The following FIG4 variants were observed in gnomAD, a reference collection of about 807,000 sequenced individuals.
The protein encoded by FIG4 is polyphosphoinositide phosphatase.
FIG4 carries 112 observed loss-of-function variants against 118.6 expected under a neutral mutation model. The ratio of observed to expected loss-of-function variants is 0.94; its 90% CI spans 0.81 to 1.11. The LOEUF (loss-of-function observed/expected upper bound fraction) is 1.11, where lower values mean the gene tolerates loss of function less well. Ranked by LOEUF, FIG4 falls within the 50% of genes least tolerant of loss-of-function variation. The pLI, the probability that FIG4 is intolerant of heterozygous loss-of-function variation, is 0.00. For missense variants in FIG4, 969 were observed against 1,111.7 expected (o/e 0.87, Z 1.83); for synonymous variants, 369 against 381.2 (o/e 0.97, Z 0.37).
In FIG4 at chr6:109,738,412, A is replaced by G. The variant is rs1370834389; in HGVS notation, c.734A>G (p.Asp245Gly). Residue 245 changes from aspartate to glycine, a missense_variant, in exon 7 of 23, where the codon GAC becomes GGC. Transcript: ENST00000230124. ...ATAATTAAAAGTACTGTGCATCGTG[A>G]CTGGCTTTTGTATATTATTCATGGG... ...LDIIKSTVHR[D>G]WLLYIIHGFC... 6.2e-7 allele frequency: 1 copy of G among 1,612,888 alleles called. No individual in the cohort carries two copies. The highest frequency in any genetic ancestry group is 1.7e-5 in the Admixed American group (1 of 59,940).
intron 5 of FIG4, among the ~76,000 whole-genome samples, chr6:109,733,049 G>T (rs1398821002): frequency 6.6e-6 from 1 of 151,948 alleles, no homozygotes; most frequent in African/African-American, 2.4e-5. Context: ...AAATAATCTG[G>T]CAAAATTGGG....
intron 22 of FIG4, among the ~76,000 whole-genome samples, chr6:109,798,199 G>C (rs937125175): frequency 6.6e-6 from 1 of 152,156 alleles, no homozygotes; most frequent in Non-Finnish European, 1.5e-5. Context: ...TAGTAGCTGT[G>C]AGGATTTTGA....
At chr6:109,709,682 G>C (rs1775197290) in intron 1 of FIG4, among the ~76,000 whole-genome samples, 1 of 152,144 alleles carries the variant, frequency 6.6e-6, no homozygotes, top group Non-Finnish European at 1.5e-5. Context: ...CACCTCCCTA[G>C]TTAGCTGTAT....
chr6:109,798,432 G>T lies in FIG4; in HGVS notation c.2546+1581G>T, dbSNP rs536449327. 3.3e-5 allele frequency among the ~76,000 whole-genome samples: 5 copies of T among 152,302 alleles called. 1 individual carries two copies. The South Asian group carries it at 1.0e-3, about 32-fold the overall frequency. Reference sequence around the variant, plus strand: ...CCATTTAAAGCTGCCATTCACTGAGGTTAGGAGCACTGCAAGAGGACCTGG... The same window carrying T: ...CCATTTAAAGCTGCCATTCACTGAGTTTAGGAGCACTGCAAGAGGACCTGG... On this transcript the variant is annotated intron_variant, in intron 22 of 22. Coordinates refer to ENST00000230124, the MANE Select transcript of FIG4 (RefSeq NM_014845.6).
In FIG4 at chr6:109,739,878, G is replaced by A. The variant is rs575703622; in HGVS notation, c.775+1425G>A. ...GAGTGGTGCCAAGGGCACAGCTGGCGAGGTTAGCCTTGAAGAGCAGCAGGG... is the reference window on the plus strand; with the variant it reads ...GAGTGGTGCCAAGGGCACAGCTGGCAAGGTTAGCCTTGAAGAGCAGCAGGG... On this transcript the variant is annotated intron_variant, in intron 7 of 22. Coordinates refer to ENST00000230124, the MANE Select transcript of FIG4 (RefSeq NM_014845.6). Among the ~76,000 whole-genome samples the A allele has an allele frequency of 9.2e-5, 14 of 152,264 alleles. No homozygotes were observed. In the South Asian group the frequency reaches 2.7e-3, roughly 29 times the overall value.
At chr6:109,786,916 A>G (rs1387706118) in intron 18 of FIG4, among the ~76,000 whole-genome samples, 2 of 152,118 alleles carry the variant, frequency 1.3e-5, no homozygotes, top group East Asian at 1.9e-4. Flanking sequence ...TCCCCCACAC[A>G]CACACGCCCC....
intron 10 of FIG4, among the ~76,000 whole-genome samples, chr6:109,751,775 T>G (rs1776707128): frequency 6.6e-6 from 1 of 151,660 alleles, no homozygotes; most frequent in African/African-American, 2.4e-5. Context: ...CTTTAACATT[T>G]TTTATTGTGT....
chr6:109,795,899 C>G (rs1194482831), intron 21 of FIG4, among the ~76,000 whole-genome samples: 1 of 152,120 alleles, frequency 6.6e-6, no homozygotes, highest in Non-Finnish European at 1.5e-5. Context: ...CTGCGCGTGG[C>G]CTGGAAATCA....
intron 6 of FIG4, among the ~76,000 whole-genome samples, chr6:109,736,346 T>A (rs545242097): frequency 2.5e-4 from 38 of 152,286 alleles, no homozygotes; most frequent in African/African-American, 7.2e-4. Context: ...ACTGAATTTA[T>A]CCCTGGCATT....
At chr6:109,747,920 G>A (rs1776554846) in intron 10 of FIG4, among the ~76,000 whole-genome samples, 1 of 152,042 alleles carries the variant, frequency 6.6e-6, no homozygotes, top group South Asian at 2.1e-4. Flanking sequence ...CAAAGTGCTG[G>A]GATTACAGTC....
intron 22 of FIG4, among the ~76,000 whole-genome samples, chr6:109,822,787 G>GTATATATATATA (rs10523453): frequency 2.3e-4 from 28 of 120,412 alleles, no homozygotes; most frequent in African/African-American, 2.5e-4. Context: ...GTGTGTGTAT[G>GTATATATATATA]TATATATATA....
At chr6:109,748,862 C>A (rs778663601) in intron 10 of FIG4, among the ~76,000 whole-genome samples, 1 of 152,076 alleles carries the variant, frequency 6.6e-6, no homozygotes, top group African/African-American at 2.4e-5. Flanking sequence ...GGGGAGACCA[C>A]CCCCATGATT....
chr6:109,696,425 A>G (rs1774721609), intron 1 of FIG4, among the ~76,000 whole-genome samples: 1 of 152,244 alleles, frequency 6.6e-6, no homozygotes, highest in African/African-American at 2.4e-5. Context: ...TATGTCAAAG[A>G]CATATCAGCA....
chr6:109,770,975 C>T (rs995941269), intron 15 of FIG4, among the ~76,000 whole-genome samples: 2 of 152,132 alleles, frequency 1.3e-5, no homozygotes, highest in Non-Finnish European at 2.9e-5. Context: ...CAGTTTCTTC[C>T]CCTTTCTGCT....
intron 22 of FIG4, among the ~76,000 whole-genome samples, chr6:109,814,014 A>G (rs1192979830): frequency 6.6e-6 from 1 of 152,220 alleles, no homozygotes; most frequent in East Asian, 1.9e-4. Context: ...CCTGACCTCC[A>G]GAAACTGTGA....
At chr6:109,777,652 G>A (rs1246461569) in intron 16 of FIG4, among the ~76,000 whole-genome samples, 1 of 152,222 alleles carries the variant, frequency 6.6e-6, no homozygotes, top group Non-Finnish European at 1.5e-5. Flanking sequence ...GGAAGCTAGA[G>A]CAGTGCTACT....
intron 22 of FIG4, among the ~76,000 whole-genome samples, chr6:109,808,750 T>C (rs754752415): frequency 1.3e-5 from 2 of 152,198 alleles, no homozygotes; most frequent in Non-Finnish European, 2.9e-5. Context: ...GAAAAACAAT[T>C]TACAGTGTTT....
chr6:109,820,416 C>G (rs1285033060), intron 22 of FIG4, among the ~76,000 whole-genome samples: 1 of 152,274 alleles, frequency 6.6e-6, no homozygotes, highest in South Asian at 2.1e-4. Flanking sequence ...ACCCGCACCC[C>G]CCAAGTCTCC....
intron 15 of FIG4, among the ~76,000 whole-genome samples, chr6:109,770,600 G>A (rs191194676): frequency 9.9e-5 from 15 of 152,190 alleles, no homozygotes; most frequent in South Asian, 6.2e-4. Context: ...AGGAAACATC[G>A]TGCCATTATC....
Sources: gnomAD v4.1 joint callset for allele counts (sites outside exome capture counted in the v4.1 genomes callset) on GRCh38, gnomAD v4.1.1 for gene constraint, MANE v1.5 for transcripts, NCBI Gene and HGNC (gene_info 2026-07-23, HGNC 2026-07-21) for gene names.